The following NSMCE2 variants were observed in gnomAD, a reference collection of about 807,000 sequenced individuals.
NSMCE2 encodes the protein NSE2 SUMO ligase component of SMC5/6 complex, also known as E3 SUMO-protein ligase NSE2.
Under a neutral mutation model 23.8 loss-of-function variants are expected in NSMCE2, and 24 were observed. The ratio of observed to expected loss-of-function variants is 1.01; its 90% CI spans 0.73 to 1.42. The LOEUF (loss-of-function observed/expected upper bound fraction) is 1.42, where lower values mean the gene tolerates loss of function less well. Among genes scored for constraint, NSMCE2 ranks in the 40% most tolerant of loss-of-function variants. The probability of loss-of-function intolerance (pLI) is 0.00; values close to 1 mark genes in which losing one functional copy is unlikely to be tolerated. For missense variants in NSMCE2, 284 were observed against 296.5 expected (o/e 0.96, Z 0.31); for synonymous variants, 92 against 94.1 (o/e 0.98, Z 0.13).
chr8:125,339,037 C>T (rs1830151294), intron 5 of NSMCE2, among the ~76,000 whole-genome samples: 1 of 152,130 alleles, frequency 6.6e-6, no homozygotes, highest in Non-Finnish European at 1.5e-5. Context: ...GACATCCTGT[C>T]AAAACTGTTC....
At chr8:125,244,557 A>G (rs1482708295) in intron 5 of NSMCE2, among the ~76,000 whole-genome samples, 3 of 152,258 alleles carry the variant, frequency 2.0e-5, no homozygotes, top group African/African-American at 7.2e-5. Flanking sequence ...TTCAGCCACT[A>G]TATGATCCAA....
At chr8:125,319,327 T>C (rs1183689634) in intron 5 of NSMCE2, among the ~76,000 whole-genome samples, 1 of 151,944 alleles carries the variant, frequency 6.6e-6, no homozygotes, top group Non-Finnish European at 1.5e-5. Flanking sequence ...CCAGGTAAAA[T>C]TACCAGGCAA....
intron 3 of NSMCE2, among the ~76,000 whole-genome samples, chr8:125,133,132 C>G (rs933285008): frequency 6.6e-6 from 1 of 151,980 alleles, no homozygotes; most frequent in Admixed American, 6.5e-5. Context: ...TTTTAAAATC[C>G]ATTTTAAATT....
chr8:125,341,095 G>A (rs1472181977), intron 5 of NSMCE2, among the ~76,000 whole-genome samples: 2 of 151,084 alleles, frequency 1.3e-5, no homozygotes, highest in Admixed American at 6.6e-5. Flanking sequence ...TTTTTCTTTT[G>A]TCTTAAGGGA....
chr8:125,102,512 G>A (rs779375107), intron 3 of NSMCE2, 25 bp downstream of exon 3: 1 of 1,596,618 alleles, frequency 6.3e-7, no homozygotes, highest in Non-Finnish European at 8.6e-7. Context: ...AACCTCTTTT[G>A]TGTCTACTTT....
At chr8:125,104,374 C>T (rs551846695) in intron 3 of NSMCE2, among the ~76,000 whole-genome samples, 7 of 152,250 alleles carry the variant, frequency 4.6e-5, no homozygotes, top group South Asian at 2.1e-4. Flanking sequence ...CTAGGCTTAT[C>T]GTTAAGCTTT....
intron 5 of NSMCE2, among the ~76,000 whole-genome samples, chr8:125,204,071 G>A (rs1190048197): frequency 6.6e-6 from 1 of 152,120 alleles, no homozygotes; most frequent in East Asian, 1.9e-4. Context: ...ACCTGTCATG[G>A]AACCAGTGCT....
At chr8:125,210,372 C>T (rs890243121) in intron 5 of NSMCE2, among the ~76,000 whole-genome samples, 1 of 152,162 alleles carries the variant, frequency 6.6e-6, no homozygotes, top group African/African-American at 2.4e-5. Flanking sequence ...CCTTTACTCT[C>T]CTAGTTTTGC....
chr8:125,123,524 A>G (rs972140474), intron 3 of NSMCE2, among the ~76,000 whole-genome samples: 17 of 152,378 alleles, frequency 1.1e-4, no homozygotes, highest in African/African-American at 4.1e-4. Context: ...ACTTATCTGA[A>G]GTCACAAAGT....
intron 5 of NSMCE2, among the ~76,000 whole-genome samples, chr8:125,223,369 AAATAAAATAAAAT>A (rs1339971095): frequency 2.0e-5 from 3 of 152,296 alleles, no homozygotes; most frequent in Non-Finnish European, 2.9e-5. Context: ...ACAAAATCAA[AAATAAAATAAAAT>A]AAAAGTAGAC....
chr8:125,308,720 C>G lies in NSMCE2; in HGVS notation c.419-48499C>G, dbSNP rs535361220. ...TTTTATTGGGAAGCCATTTTCCTCC[C>G]CTTTTTCAAGCCACATGGCCAACCC... On this transcript the variant is annotated intron_variant, in intron 5 of 7. Transcript: ENST00000287437. Among the ~76,000 whole-genome samples the G allele has an allele frequency of 7.2e-5, 11 of 152,322 alleles. No individual in the cohort carries two copies. The East Asian group carries it at 2.1e-3, about 29-fold the overall frequency.
At position 125,316,967 on chromosome 8, in the gene NSMCE2, T is replaced by C. The variant is rs190091065; in HGVS notation, c.419-40252T>C. On this transcript the variant is annotated intron_variant, in intron 5 of 7. Transcript: ENST00000287437. ...CTGATTTTTGGTTTTTCGTTTTTTT[T>C]TTAAGAGATGGGGTTTTGCCATGTT... Among the ~76,000 whole-genome samples, 265 of 151,880 alleles carry C rather than the reference T, an allele frequency of 1.7e-3. 1 individual carries two copies. Among genetic ancestry groups the C allele is most frequent in the African/African-American group, 5.9e-3 (243 of 41,386 alleles).
chr8:125,232,746 C>G (rs1272535568), intron 5 of NSMCE2, among the ~76,000 whole-genome samples: 1 of 152,076 alleles, frequency 6.6e-6, no homozygotes, highest in Non-Finnish European at 1.5e-5. Flanking sequence ...GTAAAGCCAA[C>G]ATGTATTTAT....
intron 5 of NSMCE2, among the ~76,000 whole-genome samples, chr8:125,230,175 G>A (rs1825263128): frequency 1.3e-5 from 2 of 152,160 alleles, no homozygotes; most frequent in Admixed American, 6.5e-5. Flanking sequence ...GCCTAAACGT[G>A]TCTTCCAGAC....
chr8:125,145,855 A>G (rs1024981277), intron 3 of NSMCE2, among the ~76,000 whole-genome samples: 1 of 152,148 alleles, frequency 6.6e-6, no homozygotes, highest in Admixed American at 6.5e-5. Context: ...CTCTTGGCCT[A>G]GTACAAGCTT....
At chr8:125,180,909 A>G (rs974664694) in intron 4 of NSMCE2, among the ~76,000 whole-genome samples, 4 of 152,206 alleles carry the variant, frequency 2.6e-5, no homozygotes, top group Non-Finnish European at 5.9e-5. Context: ...CACTGGTAAT[A>G]CCGTGATAAA....
chr8:125,178,406 T>C (rs1195266437), intron 4 of NSMCE2, among the ~76,000 whole-genome samples: 1 of 152,218 alleles, frequency 6.6e-6, no homozygotes, highest in Non-Finnish European at 1.5e-5. Flanking sequence ...ATTTTTATCA[T>C]GTAAGTATGG....
At chr8:125,298,487 C>A (rs1036824604) in intron 5 of NSMCE2, among the ~76,000 whole-genome samples, 2 of 152,158 alleles carry the variant, frequency 1.3e-5, no homozygotes, top group African/African-American at 4.8e-5. Flanking sequence ...GGTCCCTTAG[C>A]TCTGCGGACC....
chr8:125,323,146 A>G (rs1307814635), intron 5 of NSMCE2, among the ~76,000 whole-genome samples: 1 of 152,270 alleles, frequency 6.6e-6, no homozygotes, highest in East Asian at 1.9e-4. Flanking sequence ...ACTGTGAGAA[A>G]TCAGAGACCT....
Sources: gnomAD v4.1 joint callset for allele counts (sites outside exome capture counted in the v4.1 genomes callset) on GRCh38, gnomAD v4.1.1 for gene constraint, MANE v1.5 for transcripts, NCBI Gene and HGNC (gene_info 2026-07-23, HGNC 2026-07-21) for gene names.